The following FAM110B variants were observed in gnomAD, a reference collection of about 807,000 sequenced individuals.
FAM110B encodes family with sequence similarity 110 member B.
In FAM110B, 6 loss-of-function variants were observed where a neutral mutation model predicts 20.4. The ratio of observed to expected loss-of-function variants is 0.29; its 90% confidence interval spans 0.16 to 0.58. The LOEUF is 0.58. Ranked by LOEUF, FAM110B falls within the 20% of genes least tolerant of loss-of-function variation. The probability of loss-of-function intolerance (pLI) is 0.90; values close to 1 mark genes in which losing one functional copy is unlikely to be tolerated. For synonymous variants in FAM110B, 226 were observed against 214.1 expected, an observed-to-expected ratio of 1.06 and a Z score of -0.49; for missense variants, 434 against 498.2, an observed-to-expected ratio of 0.87 and a Z score of 1.23.
chr8:58,013,326 C>T (rs1294353756), intron 1 of FAM110B, among the ~76,000 whole-genome samples: 1 of 152,152 alleles, frequency 6.6e-6, no homozygotes. Flanking sequence ...TGGGCTGTCC[C>T]CATGGCGGTC....
chr8:58,127,884 T>G (rs1434234105), intron 3 of FAM110B, among the ~76,000 whole-genome samples: 1 of 152,178 alleles, frequency 6.6e-6, no homozygotes, highest in Non-Finnish European at 1.5e-5. Context: ...TTCCTCAAAG[T>G]AAACAGGTTT....
At chr8:58,128,836 T>A (rs972025403) in intron 3 of FAM110B, among the ~76,000 whole-genome samples, 1 of 152,202 alleles carries the variant, frequency 6.6e-6, no homozygotes, top group Non-Finnish European at 1.5e-5. Context: ...AGACAAACAA[T>A]AAGTTTTATA....
intron 1 of FAM110B, among the ~76,000 whole-genome samples, chr8:57,995,798 T>C (rs931333722): frequency 4.6e-5 from 7 of 152,214 alleles, no homozygotes; most frequent in African/African-American, 1.7e-4. Flanking sequence ...GCCTAAAAAA[T>C]AGGCAACCTC....
intron 3 of FAM110B, among the ~76,000 whole-genome samples, chr8:58,127,640 T>C (rs771116375): frequency 6.6e-6 from 1 of 152,198 alleles, no homozygotes; most frequent in Non-Finnish European, 1.5e-5. Flanking sequence ...CAGACAAAAG[T>C]CAATTGTATT....
intron 1 of FAM110B, among the ~76,000 whole-genome samples, chr8:58,024,672 C>T (rs911116833): frequency 6.6e-6 from 1 of 152,096 alleles, no homozygotes; most frequent in Admixed American, 6.5e-5. Flanking sequence ...GAGTGTGTGC[C>T]CTGTGCCTAT....
chr8:58,054,250 G>A (rs1227162837), intron 2 of FAM110B, among the ~76,000 whole-genome samples: 2 of 152,186 alleles, frequency 1.3e-5, no homozygotes, highest in Admixed American at 6.5e-5. Context: ...TAGATCCTGA[G>A]GGGAGTGGAG....
intron 1 of FAM110B, among the ~76,000 whole-genome samples, chr8:58,006,925 T>TATATATATATATATATA (rs1563494782): frequency 2.5e-4 from 14 of 55,798 alleles, no homozygotes; most frequent in Admixed American, 1.0e-3. Flanking sequence ...ATATATATAT[T>TATATATATATATATATA]TTTCCAAAAC....
In FAM110B at chr8:58,102,881, C is replaced by T. The variant is rs372525237; in HGVS notation, c.-325+27258C>T. Among the ~76,000 whole-genome samples the T allele has an allele frequency of 5.9e-5, 9 of 151,978 alleles. No homozygotes were observed. In the East Asian group the frequency reaches 7.7e-4, roughly 13 times the overall value. On this transcript the variant is annotated intron_variant, in intron 3 of 3. Coordinates refer to ENST00000519262, the MANE Select transcript of FAM110B (RefSeq NM_001377989.1). ...AAACAAGATGGATACTGATCAGTTA[C>T]TCAGGCTAGAAACTTCAAAGCCATG... is the stretch of plus-strand genomic sequence containing the variant.
At chr8:58,116,929 C>T (rs1053611690) in intron 3 of FAM110B, among the ~76,000 whole-genome samples, 7 of 152,150 alleles carry the variant, frequency 4.6e-5, no homozygotes, top group African/African-American at 7.2e-5. Context: ...AGCTTCTTAA[C>T]GCGATGCACA....
intron 2 of FAM110B, among the ~76,000 whole-genome samples, chr8:58,066,644 C>T (rs1563356931): frequency 6.6e-6 from 1 of 152,170 alleles, no homozygotes; most frequent in African/African-American, 2.4e-5. Flanking sequence ...CCCTGGTAGC[C>T]AGAAGGAGAC....
intron 2 of FAM110B, among the ~76,000 whole-genome samples, chr8:58,041,813 C>G (rs1805227405): frequency 6.6e-6 from 1 of 152,202 alleles, no homozygotes; most frequent in African/African-American, 2.4e-5. Flanking sequence ...TTCCTATTCT[C>G]TGAATTTCAG....
In FAM110B at chr8:58,107,098, C is replaced by G. The variant is rs1285270628; in HGVS notation, c.-325+31475C>G. Among the ~76,000 whole-genome samples, 4 of 152,052 alleles carry G rather than the reference C, an allele frequency of 2.6e-5. No homozygotes were observed. In the East Asian group the frequency reaches 7.7e-4, roughly 29 times the overall value. ...GTGGTAAAAAAAAAAAGTAGTCAAA[C>G]CACTACTGTTGCCGTCTGGATTTTA... is the stretch of plus-strand genomic sequence containing the variant. On this transcript the variant is annotated intron_variant, in intron 3 of 3. Transcript: ENST00000519262.
In FAM110B at chr8:58,146,629, G is replaced by C. The variant is rs771339526; in HGVS notation, c.399G>C (p.Ser133=). 1.2e-6 allele frequency: 2 copies of C among 1,613,774 alleles called. No individual in the cohort carries two copies. The highest frequency in any genetic ancestry group is 2.2e-5 in the East Asian group (1 of 44,854). ...NIINSSEGSS[S]GSGHKHSSRN... is the part of the protein sequence containing the mutation. ...TCAATAGCTCCGAGGGCTCTAGCTC[G>C]GGCTCGGGGCACAAGCACAGCTCCC... Residue 133 remains serine (S), a synonymous_variant, in exon 4 of 4, where the codon TCG becomes TCC. Coordinates refer to ENST00000519262, the MANE Select transcript of FAM110B (RefSeq NM_001377989.1).
intron 1 of FAM110B, among the ~76,000 whole-genome samples, chr8:58,015,237 A>G (rs1804614337): frequency 6.6e-6 from 1 of 152,042 alleles, no homozygotes; most frequent in Non-Finnish European, 1.5e-5. Flanking sequence ...TATGCCTGTT[A>G]TCGCAGCTAC....
intron 2 of FAM110B, among the ~76,000 whole-genome samples, chr8:58,061,310 G>A (rs1805654092): frequency 6.6e-6 from 1 of 152,162 alleles, no homozygotes; most frequent in East Asian, 1.9e-4. Flanking sequence ...CGGATACTTT[G>A]TGCCATTTCT....
chr8:58,069,011 A>G (rs951410694), intron 2 of FAM110B, among the ~76,000 whole-genome samples: 4 of 152,232 alleles, frequency 2.6e-5, no homozygotes, highest in African/African-American at 9.6e-5. Context: ...ATAGCTTTGT[A>G]TAGAATCAAG....
intron 3 of FAM110B, among the ~76,000 whole-genome samples, chr8:58,139,728 C>A (rs569436059): frequency 6.6e-6 from 1 of 152,176 alleles, no homozygotes; most frequent in South Asian, 2.1e-4. Flanking sequence ...GAGATCGAGA[C>A]CATCCTGGCT....
intron 2 of FAM110B, among the ~76,000 whole-genome samples, chr8:58,049,639 T>C (rs1358942186): frequency 6.6e-6 from 1 of 152,210 alleles, no homozygotes; most frequent in African/African-American, 2.4e-5. Context: ...CACATACCAC[T>C]AATATTGTAC....
chr8:58,076,295 T>C (rs1402832519), intron 3 of FAM110B, among the ~76,000 whole-genome samples: 3 of 151,994 alleles, frequency 2.0e-5, no homozygotes, highest in Admixed American at 2.0e-4. Flanking sequence ...AATGAGATGG[T>C]GGTGCAGGGT....
Sources: gnomAD v4.1 joint callset for allele counts (sites outside exome capture counted in the v4.1 genomes callset) on GRCh38, gnomAD v4.1.1 for gene constraint, MANE v1.5 for transcripts, NCBI Gene and HGNC (gene_info 2026-07-23, HGNC 2026-07-21) for gene names.